CHRNA7: variants seen among roughly 807,000 people sequenced by gnomAD.
CHRNA7 encodes the protein neuronal acetylcholine receptor subunit alpha-7.
CHRNA7 carries 17 observed loss-of-function variants against 48.0 expected under a neutral mutation model. The observed-to-expected ratio is 0.35, with a 90% CI of 0.24 to 0.53. CHRNA7 has a LOEUF of 0.53. CHRNA7 is among the 20% of genes least tolerant of loss of function. The probability of loss-of-function intolerance (pLI) is 0.92; values close to 1 mark genes in which losing one functional copy is unlikely to be tolerated. For missense variants in CHRNA7, 155 were observed against 577.7 expected, an observed-to-expected ratio of 0.27 and a Z score of 7.50; for synonymous variants, 75 against 242.3, an observed-to-expected ratio of 0.31 and a Z score of 6.41.
chr15:32,094,120 T>A (rs898408114), intron 2 of CHRNA7, among the ~76,000 whole-genome samples: 1 of 152,196 alleles, frequency 6.6e-6, no homozygotes, highest in African/African-American at 2.4e-5. Context: ...TGTAAACAGT[T>A]CGGCTGTGAT....
intron 2 of CHRNA7, among the ~76,000 whole-genome samples, chr15:32,066,303 A>G (rs953658569): frequency 6.8e-6 from 1 of 146,042 alleles, no homozygotes; most frequent in African/African-American, 2.5e-5. Flanking sequence ...TTTTTTTGAG[A>G]TGGAGTCTCA....
intron 5 of CHRNA7, among the ~76,000 whole-genome samples, chr15:32,155,095 CCA>C (rs1343567056): frequency 2.6e-5 from 1 of 38,886 alleles, no homozygotes; most frequent in African/African-American, 1.3e-4. Flanking sequence ...CACTTACACA[CCA>C]CTCTCACACA....
At chr15:32,031,245 C>T (rs929328804) in intron 2 of CHRNA7, among the ~76,000 whole-genome samples, 2 of 152,156 alleles carry the variant, frequency 1.3e-5, no homozygotes, top group African/African-American at 4.8e-5. Flanking sequence ...AAGGAGGGAC[C>T]TGGTAAAGCT....
intron 2 of CHRNA7, among the ~76,000 whole-genome samples, chr15:32,067,642 C>G (rs1483176680): frequency 1.3e-5 from 2 of 152,132 alleles, no homozygotes; most frequent in Admixed American, 1.3e-4. Flanking sequence ...GTTCATAACT[C>G]TTTTTTTCTC....
At chr15:32,044,572 G>A (rs1301734262) in intron 2 of CHRNA7, among the ~76,000 whole-genome samples, 1 of 152,128 alleles carries the variant, frequency 6.6e-6, no homozygotes. Context: ...CACTGTGCCC[G>A]GCCTAGATAT....
intron 2 of CHRNA7, among the ~76,000 whole-genome samples, chr15:32,041,253 C>G (rs1375635979): frequency 6.6e-6 from 1 of 152,146 alleles, no homozygotes; most frequent in Non-Finnish European, 1.5e-5. Context: ...CTGTTCCTTT[C>G]TCTACTTCAA....
intron 3 of CHRNA7, among the ~76,000 whole-genome samples, chr15:32,110,637 G>A (rs2050747881): frequency 1.3e-5 from 2 of 152,136 alleles, no homozygotes; most frequent in Non-Finnish European, 2.9e-5. Context: ...TAGGCCCACA[G>A]CCCCTCATCT....
At chr15:32,068,402 A>G (rs2050000143) in intron 2 of CHRNA7, among the ~76,000 whole-genome samples, 1 of 152,190 alleles carries the variant, frequency 6.6e-6, no homozygotes, top group African/African-American at 2.4e-5. Flanking sequence ...ACAGAGATTG[A>G]CAGAATAAAT....
chr15:32,130,514 G>A (rs1468577050), intron 4 of CHRNA7, among the ~76,000 whole-genome samples: 1 of 150,552 alleles, frequency 6.6e-6, no homozygotes, highest in Non-Finnish European at 1.5e-5. Flanking sequence ...AGTAATGTTT[G>A]CAGGGTATGT....
At chr15:32,072,837 G>C (rs1236362812) in intron 2 of CHRNA7, among the ~76,000 whole-genome samples, 2 of 152,228 alleles carry the variant, frequency 1.3e-5, no homozygotes, top group Non-Finnish European at 1.5e-5. Flanking sequence ...AAGCTTGGCA[G>C]CTTTTACCTA....
intron 2 of CHRNA7, among the ~76,000 whole-genome samples, chr15:32,033,221 G>A (rs1901929129): frequency 6.6e-6 from 1 of 152,192 alleles, no homozygotes; most frequent in Non-Finnish European, 1.5e-5. Context: ...ACCTTTCTAA[G>A]CTCTGTTTTC....
chr15:32,038,725 A>G (rs1470436427), intron 2 of CHRNA7, among the ~76,000 whole-genome samples: 2 of 152,172 alleles, frequency 1.3e-5, no homozygotes, highest in Admixed American at 6.5e-5. Context: ...GTTTGTGGTT[A>G]TCTTTTCTTA....
intron 3 of CHRNA7, chr15:32,101,776 A>G (rs188622413): frequency 6.2e-6 from 1 of 161,000 alleles, no homozygotes; most frequent in East Asian, 1.8e-4. Context: ...TTTGTGCTCT[A>G]GCAATGCTTA....
chr15:32,145,160 A>AACT (rs2051461484), intron 4 of CHRNA7, among the ~76,000 whole-genome samples: 1 of 152,068 alleles, frequency 6.6e-6, no homozygotes, highest in South Asian at 2.1e-4. Flanking sequence ...TTTTCCTTTT[A>AACT]ACAGTAAGGC....
chr15:32,078,457 ATG>A (rs2050166916), intron 2 of CHRNA7, among the ~76,000 whole-genome samples: 3 of 152,084 alleles, frequency 2.0e-5, no homozygotes, highest in Admixed American at 2.0e-4. Flanking sequence ...TTTCAGCATC[ATG>A]TCTTTTAAAG....
intron 3 of CHRNA7, among the ~76,000 whole-genome samples, chr15:32,108,246 C>G (rs2050704186): frequency 6.6e-6 from 1 of 152,106 alleles, no homozygotes; most frequent in Non-Finnish European, 1.5e-5. Context: ...GCCCCTTCCT[C>G]CCTTCCCTTC....
intron 3 of CHRNA7, chr15:32,102,033 C>G (rs1305401388): frequency 6.6e-6 from 1 of 152,274 alleles, no homozygotes; most frequent in East Asian, 1.9e-4. Context: ...AACGTAGTCC[C>G]TTTTTTCTCT....
chr15:32,115,956 G>A (rs1345327996), intron 4 of CHRNA7, among the ~76,000 whole-genome samples: 2 of 152,138 alleles, frequency 1.3e-5, no homozygotes, highest in Non-Finnish European at 2.9e-5. Flanking sequence ...AATTCACACA[G>A]GAAATAGCAA....
At chr15:32,035,053 TG>T (rs1266725684) in intron 2 of CHRNA7, among the ~76,000 whole-genome samples, 1 of 152,208 alleles carries the variant, frequency 6.6e-6, no homozygotes, top group East Asian at 1.9e-4. Flanking sequence ...TCTATAACTG[TG>T]TGTATAAACA....
Sources: allele counts gnomAD v4.1 joint callset (sites outside exome capture counted in the v4.1 genomes callset), GRCh38; gene constraint gnomAD v4.1.1; transcripts MANE v1.5; gene names NCBI Gene and HGNC (gene_info 2026-07-23, HGNC 2026-07-21).